EXOC6: variants seen among roughly 807,000 people sequenced by gnomAD.
EXOC6 encodes SEC15-like 1.
A neutral mutation model predicts 112.5 loss-of-function variants in EXOC6; 60 were observed. The observed-to-expected ratio is 0.53, with a 90% confidence interval of 0.43 to 0.66. The LOEUF (loss-of-function observed/expected upper bound fraction) is 0.66. Among genes scored for constraint, EXOC6 ranks in the 30% least tolerant of loss-of-function variants. The probability of loss-of-function intolerance (pLI) is 0.00; values close to 1 mark genes in which losing one functional copy is unlikely to be tolerated. For missense variants in EXOC6, 855 were observed against 957.1 expected, an observed-to-expected ratio of 0.89 and a Z score of 1.41; for synonymous variants, 295 against 308.0, an observed-to-expected ratio of 0.96 and a Z score of 0.44.
chr10:92,929,123 T>G (rs139834126), intron 9 of EXOC6, among the ~76,000 whole-genome samples: 1 of 152,314 alleles, frequency 6.6e-6, no homozygotes, highest in Non-Finnish European at 1.5e-5. Flanking sequence ...TAAGAGATTG[T>G]CTCCCTTGTA....
intron 20 of EXOC6, among the ~76,000 whole-genome samples, chr10:93,034,635 C>G (rs975147069): frequency 2.6e-5 from 4 of 152,158 alleles, no homozygotes; most frequent in African/African-American, 9.7e-5. Context: ...TCTGCCAGGA[C>G]TTTACTTTGA....
At chr10:92,950,645 C>T (rs946362839) in intron 14 of EXOC6, among the ~76,000 whole-genome samples, 2 of 152,082 alleles carry the variant, frequency 1.3e-5, no homozygotes, top group African/African-American at 2.4e-5. Flanking sequence ...AGATGAAGTA[C>T]AAGAGATGAA....
intron 1 of EXOC6, among the ~76,000 whole-genome samples, chr10:92,891,326 G>A (rs1849488184): frequency 6.6e-6 from 1 of 152,130 alleles, no homozygotes; most frequent in Admixed American, 6.6e-5. Context: ...AAAGCTACAA[G>A]TCAAGATGAC....
rs534926114 is a variant in EXOC6 at position 92,928,860 on chromosome 10, G to A, written c.972+438G>A. 5.9e-5 allele frequency among the ~76,000 whole-genome samples: 9 copies of A among 152,320 alleles called. No homozygotes were observed. In the South Asian group the frequency reaches 1.9e-3, roughly 32 times the overall value. ...ATTGGTTGTGGTGATAGTTACATTA[G>A]TAGATGTGTTTGTAAAACTCATAGA... On this transcript the variant is annotated intron_variant, in intron 9 of 21. Transcript: ENST00000260762.
At chr10:92,833,801 C>T (rs1020339959), upstream of EXOC6, among the ~76,000 whole-genome samples, 4 of 152,116 alleles carry the variant, frequency 2.6e-5, no homozygotes, top group Non-Finnish European at 5.9e-5. Flanking sequence ...TGAAGAAGAT[C>T]GAATGCAAGT....
chr10:92,932,672 T>G (rs1342497555), intron 9 of EXOC6, among the ~76,000 whole-genome samples: 1 of 151,820 alleles, frequency 6.6e-6, no homozygotes, highest in African/African-American at 2.4e-5. Flanking sequence ...ACTAAGGAGA[T>G]CCTAAGGATA....
intron 20 of EXOC6, among the ~76,000 whole-genome samples, chr10:93,029,333 G>T (rs1845167852): frequency 6.6e-6 from 1 of 152,154 alleles, no homozygotes; most frequent in Non-Finnish European, 1.5e-5. Context: ...TATTGAGGTT[G>T]TCTGGAACCA....
At chr10:92,929,388 C>G (rs959289021) in intron 9 of EXOC6, among the ~76,000 whole-genome samples, 1 of 152,186 alleles carries the variant, frequency 6.6e-6, no homozygotes, top group African/African-American at 2.4e-5. Context: ...GTATTTCCAT[C>G]CTGATACTAT....
intron 18 of EXOC6, among the ~76,000 whole-genome samples, chr10:92,980,462 A>G (rs1053060018): frequency 8.6e-5 from 12 of 139,526 alleles, no homozygotes; most frequent in African/African-American, 3.3e-4. Flanking sequence ...TTAAAACTAT[A>G]GTATTAGTTT....
chr10:93,029,851 T>C (rs1373236857), intron 20 of EXOC6, among the ~76,000 whole-genome samples: 1 of 152,208 alleles, frequency 6.6e-6, no homozygotes, highest in African/African-American at 2.4e-5. Context: ...TGTATGGTTA[T>C]TCAATTGACC....
chr10:93,014,690 A>G (rs565224922), intron 20 of EXOC6, among the ~76,000 whole-genome samples: 3 of 152,296 alleles, frequency 2.0e-5, no homozygotes, highest in South Asian at 2.1e-4. Flanking sequence ...AATTTTTTCA[A>G]TGGTAAAGAA....
At chr10:92,907,535 G>GT (rs1292803234) in intron 5 of EXOC6, among the ~76,000 whole-genome samples, 2 of 152,178 alleles carry the variant, frequency 1.3e-5, no homozygotes, top group Admixed American at 1.3e-4. Context: ...TGTGTCTGTG[G>GT]TATGTTGCAA....
intron 9 of EXOC6, among the ~76,000 whole-genome samples, chr10:92,929,336 C>G (rs1851893315): frequency 6.6e-6 from 1 of 152,208 alleles, no homozygotes; most frequent in Non-Finnish European, 1.5e-5. Flanking sequence ...CCAAATTCAT[C>G]ATACATGGAT....
intron 18 of EXOC6, among the ~76,000 whole-genome samples, chr10:92,986,782 TTTAA>T (rs149458324): frequency 0.04 from 6,030 of 152,042 alleles, 238 homozygotes; most frequent in East Asian, 0.15. Context: ...TTAAGGATAG[TTTAA>T]TTAATTCTTA....
intron 13 of EXOC6, among the ~76,000 whole-genome samples, chr10:92,944,581 T>G (rs967637150): frequency 2.0e-5 from 3 of 152,016 alleles, no homozygotes; most frequent in Non-Finnish European, 2.9e-5. Flanking sequence ...GAAATGAGAT[T>G]GCTGGGATCA....
chr10:92,946,480 C>T (rs1293929878), intron 13 of EXOC6, among the ~76,000 whole-genome samples: 1 of 152,146 alleles, frequency 6.6e-6, no homozygotes, highest in Non-Finnish European at 1.5e-5. Context: ...AGATCCTCGT[C>T]ACCTTTTATT....
intron 18 of EXOC6, among the ~76,000 whole-genome samples, chr10:92,974,718 A>G (rs575305217): frequency 0.011 from 1,606 of 152,190 alleles, 31 homozygotes; most frequent in African/African-American, 0.036. Context: ...GGCGCACGCC[A>G]CCACGCCTGA....
chr10:93,038,964 C>A (rs945484553), intron 20 of EXOC6, among the ~76,000 whole-genome samples: 2 of 152,116 alleles, frequency 1.3e-5, no homozygotes, highest in African/African-American at 4.8e-5. Flanking sequence ...GCTGCCAACA[C>A]TTTGCTAGCA....
intron 1 of EXOC6, among the ~76,000 whole-genome samples, chr10:92,861,257 T>A (rs1393349324): frequency 6.6e-6 from 1 of 152,236 alleles, no homozygotes; most frequent in African/African-American, 2.4e-5. Flanking sequence ...CTGCTCTAGA[T>A]CTGGGGGCAC....
Sources: allele counts gnomAD v4.1 joint callset (sites outside exome capture counted in the v4.1 genomes callset), GRCh38; gene constraint gnomAD v4.1.1; transcripts MANE v1.5; gene names NCBI Gene and HGNC (gene_info 2026-07-23, HGNC 2026-07-21).